Variants in MGAT4C observed in about 807,000 individuals in gnomAD.
MGAT4C encodes MGAT4 family member C.
A neutral mutation model predicts 40.1 loss-of-function variants in MGAT4C; 19 were observed. That is an observed-to-expected ratio of 0.47 (90% CI 0.33 to 0.70). The LOEUF (loss-of-function observed/expected upper bound fraction) is 0.70, where lower values mean the gene tolerates loss of function less well. Among genes scored for constraint, MGAT4C ranks in the 30% least tolerant of loss-of-function variants. The pLI is 0.02. For missense variants in MGAT4C, 491 were observed against 563.2 expected (o/e 0.87, Z 1.30); for synonymous variants, 181 against 187.1 (o/e 0.97, Z 0.27).
intron 1 of MGAT4C, among the ~76,000 whole-genome samples, chr12:86,801,320 A>C (rs948002230): frequency 6.6e-6 from 1 of 151,918 alleles, no homozygotes; most frequent in African/African-American, 2.4e-5. Context: ...GTAATAAAAA[A>C]GGGAGGAGAA....
chr12:86,564,454 C>T (rs368763547), intron 2 of MGAT4C, among the ~76,000 whole-genome samples: 1 of 152,190 alleles, frequency 6.6e-6, no homozygotes, highest in African/African-American at 2.4e-5. Flanking sequence ...TTCTTCCCTT[C>T]CACAAGATAT....
At chr12:86,112,767 AGT>A (rs1877687343) in intron 1 of MGAT4C, among the ~76,000 whole-genome samples, 1 of 151,766 alleles carries the variant, frequency 6.6e-6, no homozygotes, top group Admixed American at 6.6e-5. Context: ...GAGGAAACAG[AGT>A]GAGTAAAGGA....
At chr12:86,510,001 C>T (rs1405867771) in intron 2 of MGAT4C, among the ~76,000 whole-genome samples, 1 of 152,144 alleles carries the variant, frequency 6.6e-6, no homozygotes, top group Non-Finnish European at 1.5e-5. Flanking sequence ...GTCATGTCGT[C>T]TGCAAACAGG....
chr12:86,470,092 T>A (rs984061882), intron 2 of MGAT4C, among the ~76,000 whole-genome samples: 2 of 152,176 alleles, frequency 1.3e-5, no homozygotes, highest in Non-Finnish European at 2.9e-5. Context: ...TTGAGTTTTT[T>A]AATATTTTGG....
At chr12:86,216,464 A>T (rs1950675843) in intron 1 of MGAT4C, among the ~76,000 whole-genome samples, 1 of 152,200 alleles carries the variant, frequency 6.6e-6, no homozygotes, top group East Asian at 1.9e-4. Flanking sequence ...CCAGTAAAAC[A>T]ATTTGGATCT....
At chr12:86,794,700 C>CT (rs1952081485) in intron 1 of MGAT4C, among the ~76,000 whole-genome samples, 1 of 151,862 alleles carries the variant, frequency 6.6e-6, no homozygotes, top group Non-Finnish European at 1.5e-5. Flanking sequence ...TTGTACTCTT[C>CT]TTTCGCTTTC....
chr12:86,523,786 A>G (rs2136362875), intron 2 of MGAT4C, among the ~76,000 whole-genome samples: 1 of 152,280 alleles, frequency 6.6e-6, no homozygotes, highest in African/African-American at 2.4e-5. Context: ...GGATGCATAT[A>G]TATTTAGGAT....
intron 1 of MGAT4C, among the ~76,000 whole-genome samples, chr12:86,729,989 T>A (rs1239191959): frequency 2.0e-5 from 3 of 152,074 alleles, no homozygotes; most frequent in African/African-American, 7.2e-5. Flanking sequence ...AGTTTCTTTT[T>A]TAAATCTTAG....
chr12:86,338,490 T>C (rs1954836726), intron 3 of MGAT4C, among the ~76,000 whole-genome samples: 1 of 152,146 alleles, frequency 6.6e-6, no homozygotes, highest in Non-Finnish European at 1.5e-5. Context: ...AGTTCCCCGG[T>C]AAGAAGGAGG....
rs570114940 is a variant in MGAT4C at position 86,499,278 on chromosome 12, T to A, written c.-228-64013A>T. ...TCAACTATATTTATGTGTGTGTGTG[T>A]ATGTATATATATATTTGGTTATTTA... On this transcript the variant is annotated intron_variant, in intron 2 of 7. Coordinates refer to the MGAT4C transcript ENST00000548651. Among the ~76,000 whole-genome samples the A allele has an allele frequency of 4.0e-5, 6 of 151,836 alleles. No homozygotes were observed. The East Asian group carries it at 1.2e-3, about 29-fold the overall frequency.
chr12:86,518,751 T>C (rs1958741676), intron 2 of MGAT4C, among the ~76,000 whole-genome samples: 1 of 152,132 alleles, frequency 6.6e-6, no homozygotes, highest in Admixed American at 6.5e-5. Context: ...CTATCAGGCA[T>C]ATTCAGTAAA....
chr12:86,804,675 T>G (rs982767696), intron 1 of MGAT4C, among the ~76,000 whole-genome samples: 2 of 151,984 alleles, frequency 1.3e-5, no homozygotes, highest in Non-Finnish European at 2.9e-5. Context: ...TAAATTTATT[T>G]ACAGTAATTT....
chr12:85,967,664 T>C lies in MGAT4C; in HGVS notation c.*11625A>G, dbSNP rs562136520. On this transcript the variant is annotated 3_prime_UTR_variant, in exon 5 of 5. Transcript: ENST00000611864. The stretch of plus-strand genomic sequence containing the variant: ...TAAATAAGACAGAGCATTAAAATAA[T>C]GTATTCATTGATCTCATAAAGAATA... The C allele has an allele frequency of 2.6e-5, 4 of 152,212 alleles. No homozygotes were observed. The East Asian group carries it at 7.7e-4, about 29-fold the overall frequency. 9.4% of individuals were successfully genotyped at this position (152,212 alleles called of 1,614,324 possible).
rs1042028259 is a variant in MGAT4C, at chr12:85,977,649, C to T, written c.*1640G>A. ...GAGTTTCTCATTTATTTGCAGAGAA[C>T]GAATAAAATAAAAATATCCTAGTGT... On this transcript the variant is annotated 3_prime_UTR_variant, in exon 5 of 5. Transcript: ENST00000611864. The T allele has an allele frequency of 4.6e-5, 7 of 151,186 alleles. No individual in the cohort carries two copies. The highest frequency in any genetic ancestry group is 8.9e-5 in the Non-Finnish European group (6 of 67,458). 9.4% of individuals were successfully genotyped at this position (151,186 alleles called of 1,614,324 possible).
At chr12:86,804,393 G>A (rs1952304327) in intron 1 of MGAT4C, among the ~76,000 whole-genome samples, 2 of 148,744 alleles carry the variant, frequency 1.3e-5, no homozygotes, top group Admixed American at 1.3e-4. Context: ...ATGTGCACAT[G>A]TACCCTAAAA....
intron 2 of MGAT4C, among the ~76,000 whole-genome samples, chr12:86,501,220 A>G (rs370434394): frequency 5.9e-5 from 9 of 152,144 alleles, no homozygotes; most frequent in Admixed American, 4.6e-4. Context: ...AATATATTAA[A>G]AAGAGAAGAA....
intron 1 of MGAT4C, among the ~76,000 whole-genome samples, chr12:86,248,761 A>C (rs1035606930): frequency 6.6e-6 from 1 of 152,134 alleles, no homozygotes; most frequent in African/African-American, 2.4e-5. Context: ...GTCATACATA[A>C]AGCCTAATTC....
At chr12:86,729,618 G>A (rs968111063) in intron 1 of MGAT4C, among the ~76,000 whole-genome samples, 8 of 151,678 alleles carry the variant, frequency 5.3e-5, no homozygotes, top group Non-Finnish European at 8.8e-5. Context: ...ACTTATTTTT[G>A]TCAAATTTAT....
intron 1 of MGAT4C, among the ~76,000 whole-genome samples, chr12:86,741,381 T>A (rs1007249923): frequency 1.3e-5 from 2 of 151,372 alleles, no homozygotes; most frequent in Non-Finnish European, 3.0e-5. Flanking sequence ...TTTTATATGA[T>A]CCTCTTTTGA....
Sources: gnomAD v4.1 joint callset for allele counts (sites outside exome capture counted in the v4.1 genomes callset) on GRCh38, gnomAD v4.1.1 for gene constraint, MANE v1.5 for transcripts, NCBI Gene and HGNC (gene_info 2026-07-23, HGNC 2026-07-21) for gene names.